SLC12A6: variants seen among roughly 807,000 people sequenced by gnomAD.
The protein encoded by SLC12A6 is solute carrier family 12 member 6.
A neutral mutation model predicts 135.3 loss-of-function variants in SLC12A6; 66 were observed. That is an observed-to-expected ratio of 0.49 (90% CI 0.40 to 0.60). SLC12A6 has a LOEUF of 0.60. SLC12A6 is among the 20% of genes least tolerant of loss of function. The pLI is 0.00. For missense variants in SLC12A6, 1,058 were observed against 1,452.3 expected (o/e 0.73, Z 4.41); for synonymous variants, 513 against 508.8 (o/e 1.01, Z -0.11).
chr15:34,279,068 G>GCTCA (rs1894492121), intron 2 of SLC12A6, among the ~76,000 whole-genome samples: 1 of 151,868 alleles, frequency 6.6e-6, no homozygotes, highest in South Asian at 2.1e-4. Flanking sequence ...TGTAATCCCA[G>GCTCA]CACTTTGGGA....
rs775207518 is a variant in SLC12A6 at position 34,318,635 on chromosome 15, C to CCCT, written c.271+17772_271+17774dup. 6 of 1,613,264 alleles carry CCCT rather than the reference C, an allele frequency of 3.7e-6. No homozygotes were observed. In the South Asian group the frequency reaches 6.6e-5, roughly 18 times the overall value. On this transcript the variant is annotated intron_variant, in intron 2 of 25. Transcript: ENST00000354181. ...CTCTTGAGAGATCGAAGCCGCTGCC[C>CCCT]CCTCCTCTGGGTCCTCTACCTTAGT... is the stretch of plus-strand genomic sequence containing the variant.
chr15:34,337,168 A>G (rs1890255996), intron 1 of SLC12A6, 164 bp downstream of exon 1: 2 of 242,664 alleles, frequency 8.2e-6, no homozygotes, highest in South Asian at 9.1e-5. Flanking sequence ...CGTGGATCAG[A>G]TTGCTAAAAG....
intron 2 of SLC12A6, among the ~76,000 whole-genome samples, chr15:34,335,998 A>G (rs1890171159): frequency 6.6e-6 from 1 of 152,206 alleles, no homozygotes; most frequent in South Asian, 2.1e-4. Context: ...TAACTACTCC[A>G]TGAAACCAGT....
At position 34,261,036 on chromosome 15, in the gene SLC12A6, T is replaced by C. The variant is rs770986271; in HGVS notation, c.317-16A>G. The C allele has an allele frequency of 1.6e-6, 2 of 1,234,112 alleles. No homozygotes were observed. The highest frequency in any genetic ancestry group is 1.2e-5 in the South Asian group (1 of 83,222). 76.4% of individuals were successfully genotyped at this position (1,234,112 alleles called of 1,614,324 possible). A position where few individuals can be genotyped will look rare whatever the true frequency, so the allele number is the denominator to read the frequency against. ...TGTCCGTCGTCTGGAAAAAAAAAAG[T>C]AGACCAAGTTAGTTTCTCACTGGTT... On this transcript the variant is annotated splice_polypyrimidine_tract_variant and intron_variant, in intron 3 of 25. Transcript: ENST00000354181.
intron 2 of SLC12A6, among the ~76,000 whole-genome samples, chr15:34,332,481 T>A (rs150915449): frequency 6.6e-6 from 1 of 152,056 alleles, no homozygotes; most frequent in East Asian, 1.9e-4. Context: ...TTATAAAAGG[T>A]TGAAATGTAT....
chr15:34,295,628 GATA>G (rs1185989334), intron 2 of SLC12A6, among the ~76,000 whole-genome samples: 4 of 152,192 alleles, frequency 2.6e-5, no homozygotes, highest in Non-Finnish European at 2.9e-5. Context: ...ACAGTCATGT[GATA>G]ATAATAGTTT....
Position 34,242,812 on chromosome 15 carries a change from C to G in SLC12A6, c.2043-591G>C, listed in dbSNP as rs145606187. Among the ~76,000 whole-genome samples, 997 of 152,144 alleles carry G rather than the reference C, an allele frequency of 6.6e-3. 6 individuals are homozygous for G. Among genetic ancestry groups the G allele is most frequent in the African/African-American group, 0.022 (932 of 41,532 alleles). ...TTGGGAGGCTGAGGCGGATGGATCA[C>G]AAGGTCAGAAGACTGAGACCATCCT... On this transcript the variant is annotated intron_variant, in intron 16 of 25. Transcript: ENST00000354181.
intron 2 of SLC12A6, among the ~76,000 whole-genome samples, chr15:34,309,755 G>A (rs1377936281): frequency 6.6e-6 from 1 of 152,068 alleles, no homozygotes; most frequent in Non-Finnish European, 1.5e-5. Flanking sequence ...TGCGGGTTGG[G>A]GAAGGAGGCA....
chr15:34,322,329 C>T (rs748258399), intron 2 of SLC12A6, among the ~76,000 whole-genome samples: 1 of 151,302 alleles, frequency 6.6e-6, no homozygotes, highest in African/African-American at 2.4e-5. Context: ...TGCGGTGAGC[C>T]GGGATCATTC....
chr15:34,239,246 C>T (rs531094384), intron 19 of SLC12A6, 86 bp from the exon 20 acceptor site: 139 of 1,018,460 alleles, frequency 1.4e-4, no homozygotes, highest in Non-Finnish European at 1.5e-4. Context: ...ATATCCCCCA[C>T]CTTTTTCCAA....
chr15:34,313,234 C>T (rs1282593683), intron 2 of SLC12A6, among the ~76,000 whole-genome samples: 3 of 151,304 alleles, frequency 2.0e-5, no homozygotes, highest in South Asian at 2.1e-4. Context: ...GTTGTGAATG[C>T]AAAGGAACAG....
chr15:34,326,858 CTTTTTTTTTT>C (rs397963192), intron 2 of SLC12A6, among the ~76,000 whole-genome samples: 4 of 72,182 alleles, frequency 5.5e-5, no homozygotes, highest in African/African-American at 2.5e-4. Context: ...CAACTGGCTG[CTTTTTTTTTT>C]TTTTTTTTTT....
At chr15:34,302,467 G>C (rs1237591043) in intron 2 of SLC12A6, among the ~76,000 whole-genome samples, 1 of 151,904 alleles carries the variant, frequency 6.6e-6, no homozygotes. Context: ...AGGCCGAGGC[G>C]GGTGGATCAC....
At chr15:34,304,953 T>C (rs1896501117) in intron 2 of SLC12A6, among the ~76,000 whole-genome samples, 2 of 152,332 alleles carry the variant, frequency 1.3e-5, no homozygotes, top group South Asian at 4.1e-4. Flanking sequence ...TAAGTGGGTA[T>C]TATATCCTTG....
At chr15:34,284,588 C>G (rs1003530369) in intron 2 of SLC12A6, among the ~76,000 whole-genome samples, 17 of 152,056 alleles carry the variant, frequency 1.1e-4, no homozygotes, top group Non-Finnish European at 2.5e-4. Context: ...ACTTTGAGAT[C>G]TGTAGCTCTT....
intron 16 of SLC12A6, among the ~76,000 whole-genome samples, chr15:34,242,987 G>A (rs1005238968): frequency 3.3e-5 from 5 of 152,078 alleles, no homozygotes; most frequent in South Asian, 2.1e-4. Flanking sequence ...TCCGACTCCC[G>A]GGTTCAAGCG....
At chr15:34,272,634 G>C (rs2140875167) in intron 3 of SLC12A6, among the ~76,000 whole-genome samples, 1 of 152,328 alleles carries the variant, frequency 6.6e-6, no homozygotes, top group South Asian at 2.1e-4. Flanking sequence ...AATGTTTGAA[G>C]CAGTCTCTTT....
chr15:34,287,727 A>G (rs1284364435), intron 2 of SLC12A6, among the ~76,000 whole-genome samples: 4 of 152,198 alleles, frequency 2.6e-5, no homozygotes, highest in Non-Finnish European at 5.9e-5. Context: ...TCTGATGACC[A>G]GTGATGATGA....
intron 2 of SLC12A6, among the ~76,000 whole-genome samples, chr15:34,279,337 C>CAAAAAAAAAAAA (rs1894515560): frequency 6.6e-6 from 1 of 150,410 alleles, no homozygotes. Flanking sequence ...AAAAACAAAA[C>CAAAAAAAAAAAA]AAAACAAAAC....
Sources: gnomAD v4.1 joint callset for allele counts (sites outside exome capture counted in the v4.1 genomes callset) on GRCh38, gnomAD v4.1.1 for gene constraint, MANE v1.5 for transcripts, NCBI Gene and HGNC (gene_info 2026-07-23, HGNC 2026-07-21) for gene names.